The following SYT9 variants were observed in gnomAD, a reference collection of about 807,000 sequenced individuals.
SYT9 encodes the protein synaptotagmin 9, also known as synaptotagmin-9.
Under a neutral mutation model 48.4 loss-of-function variants are expected in SYT9, and 22 were observed. The observed-to-expected ratio is 0.45, with a 90% confidence interval of 0.32 to 0.65. The LOEUF (loss-of-function observed/expected upper bound fraction) is 0.65. SYT9 is among the 30% of genes least tolerant of loss of function. The pLI is 0.03. For synonymous variants in SYT9, 265 were observed against 245.0 expected (o/e 1.08, Z -0.76); for missense variants, 577 against 622.0 (o/e 0.93, Z 0.77).
chr11:7,314,808 A>G (rs1849210337), intron 3 of SYT9, among the ~76,000 whole-genome samples: 1 of 152,208 alleles, frequency 6.6e-6, no homozygotes, highest in African/African-American at 2.4e-5. Context: ...GATATGAGCT[A>G]TTCTGAGGCC....
chr11:7,393,690 T>C (rs568017322), intron 3 of SYT9, among the ~76,000 whole-genome samples: 5 of 152,302 alleles, frequency 3.3e-5, no homozygotes, highest in Non-Finnish European at 4.4e-5. Context: ...CTATGCCTGA[T>C]ATAATTCAGC....
chr11:7,373,849 G>A (rs767286295), intron 3 of SYT9, among the ~76,000 whole-genome samples: 9 of 152,068 alleles, frequency 5.9e-5, no homozygotes, highest in South Asian at 2.1e-4. Context: ...GGGACACTTC[G>A]TTTGGGGGAA....
At chr11:7,442,318 G>T (rs1386685234) in intron 6 of SYT9, among the ~76,000 whole-genome samples, 3 of 152,172 alleles carry the variant, frequency 2.0e-5, no homozygotes, top group Non-Finnish European at 4.4e-5. Context: ...TACAGCTGTG[G>T]CCTGCTTTTG....
At position 7,303,403 on chromosome 11, in the gene SYT9, T is replaced by G. The variant is rs748519580; in HGVS notation, c.497+13T>G. The stretch of plus-strand genomic sequence containing the variant: ...CCTCGTCGGCCCGGTCAGTAATGCC[T>G]TCTCCTTTCTGAATGCAAGGAAGGA... On this transcript the variant is annotated intron_variant, in intron 2 of 6. Transcript: ENST00000318881. 5.7e-6 allele frequency: 9 copies of G among 1,587,462 alleles called. No individual in the cohort carries two copies. The highest frequency in any genetic ancestry group is 2.3e-5 in the East Asian group (1 of 44,056).
intron 1 of SYT9, among the ~76,000 whole-genome samples, chr11:7,254,561 G>A (rs573068660): frequency 1.1e-4 from 17 of 152,182 alleles, no homozygotes; most frequent in Non-Finnish European, 1.6e-4. Flanking sequence ...ACACAACGCC[G>A]TGTGAATAAT....
intron 3 of SYT9, among the ~76,000 whole-genome samples, chr11:7,352,239 A>G (rs1239546396): frequency 6.6e-6 from 1 of 152,176 alleles, no homozygotes; most frequent in Non-Finnish European, 1.5e-5. Context: ...GAAGAAGCAT[A>G]AACTCATATT....
chr11:7,448,150 G>A (rs1427183427), intron 6 of SYT9, among the ~76,000 whole-genome samples: 1 of 152,250 alleles, frequency 6.6e-6, no homozygotes, highest in Non-Finnish European at 1.5e-5. Context: ...GGGGTCCCGT[G>A]AACTTTGGGA....
chr11:7,434,169 A>G (rs533651045), intron 6 of SYT9, among the ~76,000 whole-genome samples: 3 of 152,356 alleles, frequency 2.0e-5, no homozygotes, highest in African/African-American at 7.2e-5. Context: ...AAGACAGTGA[A>G]GGAAGCTACG....
rs138133221 is a variant in SYT9, at chr11:7,413,934, G to A, written c.1045-2108G>A. ...TTGTAAAGTACAAATATGGACTTTTGCCTGGTTTACATTCTGAATATACCA... is the reference window on the plus strand; with the variant it reads ...TTGTAAAGTACAAATATGGACTTTTACCTGGTTTACATTCTGAATATACCA... On this transcript the variant is annotated intron_variant, in intron 3 of 6. Transcript: ENST00000318881. Among the ~76,000 whole-genome samples the A allele has an allele frequency of 1.9e-3, 293 of 152,166 alleles. 3 individuals carry two copies. Among genetic ancestry groups the A allele is most frequent in the Admixed American group, 3.4e-3 (52 of 15,290 alleles).
chr11:7,323,748 A>G (rs900120612), intron 3 of SYT9, among the ~76,000 whole-genome samples: 1 of 151,854 alleles, frequency 6.6e-6, no homozygotes, highest in Admixed American at 6.6e-5. Context: ...GATAAATCCA[A>G]CTTGTTCACA....
chr11:7,450,952 CTCAGCTGTTATTAT>C (rs928859909), intron 6 of SYT9, among the ~76,000 whole-genome samples: 8 of 152,226 alleles, frequency 5.3e-5, no homozygotes, highest in Non-Finnish European at 7.3e-5. Context: ...ACTTTTCTTT[CTCAGCTGTTATTAT>C]TCAGCTCACT....
intron 6 of SYT9, among the ~76,000 whole-genome samples, chr11:7,452,568 T>G (rs930971650): frequency 2.2e-4 from 33 of 152,192 alleles, no homozygotes; most frequent in African/African-American, 7.7e-4. Context: ...GTCTGTCCAT[T>G]AGGACAGCTC....
chr11:7,274,880 C>A (rs1848358921), intron 1 of SYT9, among the ~76,000 whole-genome samples: 1 of 152,168 alleles, frequency 6.6e-6, no homozygotes, highest in Non-Finnish European at 1.5e-5. Flanking sequence ...ACCTCTTCCT[C>A]ATGGCCACGT....
intron 1 of SYT9, among the ~76,000 whole-genome samples, chr11:7,283,905 G>A (rs1403362874): frequency 2.6e-5 from 4 of 152,140 alleles, no homozygotes; most frequent in Non-Finnish European, 5.9e-5. Flanking sequence ...CAGCCTTGAA[G>A]TGTGATTGGA....
At chr11:7,462,893 G>A (rs1177944672) in intron 6 of SYT9, among the ~76,000 whole-genome samples, 1 of 152,036 alleles carries the variant, frequency 6.6e-6, no homozygotes, top group African/African-American at 2.4e-5. Context: ...CTTAATTTGG[G>A]GTCTGTTTCA....
At chr11:7,466,104 A>G (rs1848329392) in intron 6 of SYT9, among the ~76,000 whole-genome samples, 1 of 152,038 alleles carries the variant, frequency 6.6e-6, no homozygotes, top group Non-Finnish European at 1.5e-5. Context: ...TGATTCCTTC[A>G]ATGCACCATG....
intron 6 of SYT9, among the ~76,000 whole-genome samples, chr11:7,430,496 TTTACATA>T (rs1847549967): frequency 6.6e-6 from 1 of 152,226 alleles, no homozygotes; most frequent in South Asian, 2.1e-4. Context: ...GCTTAGATGC[TTTACATA>T]TTAATAGTAA....
Position 7,418,086 on chromosome 11 carries a change from T to C in SYT9, c.1295T>C (p.Ile432Thr). The C allele has an allele frequency of 1.9e-6, 3 of 1,614,090 alleles. No homozygotes were observed. The highest frequency in any genetic ancestry group is 2.5e-6 in the Non-Finnish European group (3 of 1,179,996). The part of the protein sequence containing the change: ...AIVFDVPPEN[I>T]DQIHLSIAVM... ...GTCTTTGATGTCCCTCCCGAGAACA[T>C]TGACCAAATCCACTTGTCCATAGCA... is the stretch of plus-strand genomic sequence containing the variant. Residue 432 changes from isoleucine (I) to threonine (T), a missense_variant, in exon 5 of 7, where the codon ATT (isoleucine) becomes ACT (threonine). Physicochemically the swap from Ile to Thr is moderately conservative, Grantham distance 89. Transcript: ENST00000318881.
intron 3 of SYT9, among the ~76,000 whole-genome samples, chr11:7,328,703 T>C (rs547525918): frequency 3.3e-4 from 50 of 152,346 alleles, no homozygotes; most frequent in African/African-American, 1.1e-3. Context: ...CTTGGTTTAC[T>C]ATTTCTTCAG....
Sources: gnomAD v4.1 joint callset for allele counts (sites outside exome capture counted in the v4.1 genomes callset) on GRCh38, gnomAD v4.1.1 for gene constraint, MANE v1.5 for transcripts, NCBI Gene and HGNC (gene_info 2026-07-23, HGNC 2026-07-21) for gene names.